Variants in DPP10 observed in about 807,000 individuals in gnomAD.
DPP10 encodes dipeptidyl peptidase like 10.
In DPP10, 33 loss-of-function variants were observed where a neutral mutation model predicts 120.9. That is an observed-to-expected ratio of 0.27 (90% CI 0.21 to 0.37). The LOEUF (loss-of-function observed/expected upper bound fraction) is 0.37. DPP10 is among the 10% of genes least tolerant of loss of function. The pLI is 1.00. For missense variants in DPP10, 816 were observed against 942.8 expected, an observed-to-expected ratio of 0.87 and a Z score of 1.76; for synonymous variants, 337 against 326.1, an observed-to-expected ratio of 1.03 and a Z score of -0.36.
intron 1 of DPP10, among the ~76,000 whole-genome samples, chr2:115,298,049 G>A (rs549204560): frequency 6.6e-6 from 1 of 152,128 alleles, no homozygotes; most frequent in East Asian, 1.9e-4. Flanking sequence ...CATCCCTCAA[G>A]ATTAAAGATT....
chr2:114,505,387 C>T (rs1015998998), intron 1 of DPP10, among the ~76,000 whole-genome samples: 3 of 151,594 alleles, frequency 2.0e-5, no homozygotes, highest in African/African-American at 7.3e-5. Context: ...AGCATTGATT[C>T]CCAGTCTCTG....
chr2:114,598,827 A>T (rs1022299257), intron 1 of DPP10, among the ~76,000 whole-genome samples: 1 of 151,804 alleles, frequency 6.6e-6, no homozygotes, highest in Non-Finnish European at 1.5e-5. Flanking sequence ...GAGACTCTTG[A>T]GGGAAATTTT....
intron 1 of DPP10, among the ~76,000 whole-genome samples, chr2:114,691,775 A>G (rs1238265085): frequency 6.6e-6 from 1 of 151,868 alleles, no homozygotes; most frequent in East Asian, 1.9e-4. Flanking sequence ...TTATTGATCT[A>G]TTCAGGGATT....
At chr2:115,804,219 G>A (rs1343799340) in intron 19 of DPP10, among the ~76,000 whole-genome samples, 1 of 151,942 alleles carries the variant, frequency 6.6e-6, no homozygotes, top group African/African-American at 2.4e-5. Flanking sequence ...CCAGTTGATC[G>A]CATCGGTTAC....
At chr2:115,139,561 C>A (rs138640026) in intron 1 of DPP10, among the ~76,000 whole-genome samples, 1 of 151,684 alleles carries the variant, frequency 6.6e-6, no homozygotes, top group African/African-American at 2.4e-5. Flanking sequence ...AATGGACATT[C>A]TGGGCTGAGT....
chr2:114,522,838 A>G (rs1421431109), intron 1 of DPP10, among the ~76,000 whole-genome samples: 4 of 152,194 alleles, frequency 2.6e-5, no homozygotes, highest in African/African-American at 9.7e-5. Flanking sequence ...GCAAAGAGAG[A>G]GAACTTGTGC....
At chr2:114,911,963 T>C (rs1316098562) in intron 1 of DPP10, among the ~76,000 whole-genome samples, 3 of 152,162 alleles carry the variant, frequency 2.0e-5, no homozygotes, top group Non-Finnish European at 4.4e-5. Flanking sequence ...TATTTTTATG[T>C]TTCTGCACAT....
At chr2:114,506,586 TC>T (rs1164739295) in intron 1 of DPP10, among the ~76,000 whole-genome samples, 1 of 152,108 alleles carries the variant, frequency 6.6e-6, no homozygotes, top group African/African-American at 2.4e-5. Context: ...TTCTAGGGCT[TC>T]AGGTGTTGCA....
At chr2:114,680,998 C>A (rs1169901720) in intron 1 of DPP10, among the ~76,000 whole-genome samples, 1 of 151,822 alleles carries the variant, frequency 6.6e-6, no homozygotes, top group Admixed American at 6.6e-5. Context: ...AAATGATATA[C>A]CATTTTGTTC....
chr2:115,594,245 A>C (rs2082856732), intron 5 of DPP10, among the ~76,000 whole-genome samples: 2 of 152,222 alleles, frequency 1.3e-5, no homozygotes, highest in Admixed American at 1.3e-4. Flanking sequence ...AAAATGAAAC[A>C]GATTCTTACT....
At chr2:114,746,875 A>C (rs1470654190) in intron 1 of DPP10, among the ~76,000 whole-genome samples, 1 of 152,236 alleles carries the variant, frequency 6.6e-6, no homozygotes, top group Non-Finnish European at 1.5e-5. Context: ...TCACTTAAGC[A>C]TAAAATGGAT....
intron 1 of DPP10, among the ~76,000 whole-genome samples, chr2:115,104,135 A>C (rs2104637513): frequency 7.0e-6 from 1 of 142,384 alleles, no homozygotes; most frequent in South Asian, 2.3e-4. Context: ...GTGCTTTAAA[A>C]TTTTCAGATT....
intron 1 of DPP10, among the ~76,000 whole-genome samples, chr2:114,687,681 G>T (rs140972003): frequency 9.9e-5 from 15 of 152,090 alleles, no homozygotes; most frequent in African/African-American, 3.6e-4. Flanking sequence ...GGGCATTTCA[G>T]TTGAAGGAGT....
chr2:115,664,864 AC>A (rs2089317976), intron 5 of DPP10, among the ~76,000 whole-genome samples: 1 of 130,788 alleles, frequency 7.6e-6, no homozygotes, highest in Admixed American at 7.5e-5. Flanking sequence ...ACACATCGCC[AC>A]TAGTCACATG....
intron 19 of DPP10, among the ~76,000 whole-genome samples, chr2:115,813,687 C>T (rs1041957059): frequency 1.3e-5 from 2 of 152,170 alleles, no homozygotes; most frequent in Admixed American, 1.3e-4. Context: ...CCACACAACC[C>T]CTGTATCTGC....
chr2:114,881,756 G>A (rs1203911796), intron 1 of DPP10, among the ~76,000 whole-genome samples: 6 of 152,104 alleles, frequency 3.9e-5, no homozygotes, highest in Non-Finnish European at 8.8e-5. Flanking sequence ...GAAACAAGTT[G>A]TTTGCATCAT....
intron 5 of DPP10, among the ~76,000 whole-genome samples, chr2:115,633,438 G>T (rs538241774): frequency 6.6e-6 from 1 of 152,228 alleles, no homozygotes; most frequent in East Asian, 1.9e-4. Context: ...TTGTGGGGTG[G>T]GGGTAAGGGG....
At chr2:115,381,489 C>T (rs2066351558) in intron 3 of DPP10, among the ~76,000 whole-genome samples, 1 of 152,152 alleles carries the variant, frequency 6.6e-6, no homozygotes, top group Non-Finnish European at 1.5e-5. Flanking sequence ...TTCTTTGCCT[C>T]TGCTTTGAAT....
intron 1 of DPP10, among the ~76,000 whole-genome samples, chr2:115,250,578 C>T (rs2058712018): frequency 6.6e-6 from 1 of 152,124 alleles, no homozygotes; most frequent in Admixed American, 6.5e-5. Context: ...ATGGCAGCCT[C>T]AGCTCATAGT....
Sources: gnomAD v4.1 joint callset for allele counts (sites outside exome capture counted in the v4.1 genomes callset) on GRCh38, gnomAD v4.1.1 for gene constraint, MANE v1.5 for transcripts, NCBI Gene and HGNC (gene_info 2026-07-23, HGNC 2026-07-21) for gene names.